Variants in CCDC30 observed in about 807,000 individuals in gnomAD.
CCDC30 encodes the protein coiled-coil domain-containing protein 30.
A neutral mutation model predicts 100.2 loss-of-function variants in CCDC30; 70 were observed. The ratio of observed to expected loss-of-function variants is 0.70; its 90% CI spans 0.58 to 0.85. The LOEUF (loss-of-function observed/expected upper bound fraction) is 0.85. Among genes scored for constraint, CCDC30 ranks in the 40% least tolerant of loss-of-function variants. The pLI, the probability that CCDC30 is intolerant of heterozygous loss-of-function variation, is 0.00. For synonymous variants in CCDC30, 233 were observed against 269.5 expected (o/e 0.86, Z 1.33); for missense variants, 652 against 771.2 (o/e 0.85, Z 1.83).
intron 6 of CCDC30, among the ~76,000 whole-genome samples, chr1:42,542,351 A>G (rs190331533): frequency 2.0e-5 from 3 of 152,018 alleles, no homozygotes; most frequent in Non-Finnish European, 4.4e-5. Context: ...TATAACGTCA[A>G]ATCTAAACTC....
At chr1:42,513,359 A>G (rs1317234393) in intron 6 of CCDC30, among the ~76,000 whole-genome samples, 3 of 152,236 alleles carry the variant, frequency 2.0e-5, no homozygotes, top group Non-Finnish European at 4.4e-5. Flanking sequence ...CTGACCAGGT[A>G]TAATATTTAC....
At chr1:42,565,636 A>G (rs927471217) in intron 6 of CCDC30, among the ~76,000 whole-genome samples, 18 of 152,348 alleles carry the variant, frequency 1.2e-4, no homozygotes, top group African/African-American at 4.3e-4. Context: ...AGGTTCCTCA[A>G]AAAATTAAAA....
chr1:42,516,698 C>T (rs1644560647), intron 6 of CCDC30, among the ~76,000 whole-genome samples: 1 of 152,044 alleles, frequency 6.6e-6, no homozygotes, highest in South Asian at 2.1e-4. Context: ...TAGCATAAGG[C>T]CCTTACCACA....
At chr1:42,579,950 ACC>A (rs1645928036) in intron 8 of CCDC30, among the ~76,000 whole-genome samples, 3 of 151,430 alleles carry the variant, frequency 2.0e-5, no homozygotes, top group African/African-American at 4.9e-5. Context: ...AAAAAAAAAA[ACC>A]TCTCATATAT....
intron 8 of CCDC30, among the ~76,000 whole-genome samples, chr1:42,578,437 A>T (rs2809652): frequency 0.76 from 115,187 of 152,060 alleles, 44,227 homozygotes; most frequent in East Asian, 0.99. Context: ...GGGGAAGTAG[A>T]TACACAAGTC....
intron 5 of CCDC30, 96 bp from the exon 6 acceptor site, chr1:42,498,722 T>C (rs1644264963): frequency 2.0e-6 from 1 of 502,512 alleles, no homozygotes; most frequent in Non-Finnish European, 3.1e-6. Context: ...ACAAGGAGAA[T>C]GTATTTATAT....
chr1:42,630,500 G>A (rs1021954852), intron 11 of CCDC30, among the ~76,000 whole-genome samples: 4 of 150,508 alleles, frequency 2.7e-5, no homozygotes, highest in Non-Finnish European at 4.4e-5. Context: ...ATCCTACCTC[G>A]ACCTCCTGAG....
At chr1:42,608,139 A>G (rs887819145) in intron 10 of CCDC30, among the ~76,000 whole-genome samples, 3 of 151,264 alleles carry the variant, frequency 2.0e-5, no homozygotes, top group Non-Finnish European at 4.4e-5. Context: ...GCTCATTACC[A>G]TGTCTGTAAT....
intron 6 of CCDC30, among the ~76,000 whole-genome samples, chr1:42,538,357 A>G (rs1343495214): frequency 6.6e-6 from 1 of 151,866 alleles, no homozygotes; most frequent in Non-Finnish European, 1.5e-5. Flanking sequence ...GAGAAAGAGA[A>G]AAAAACATCA....
chr1:42,537,100 T>C, intron 6 of CCDC30: 1 of 434,322 alleles, frequency 2.3e-6, no homozygotes, highest in South Asian at 1.7e-5. Flanking sequence ...ATAATAATAA[T>C]GGGGTAGCTC....
intron 7 of CCDC30, among the ~76,000 whole-genome samples, chr1:42,574,286 A>G (rs553179961): frequency 6.6e-6 from 1 of 151,928 alleles, no homozygotes; most frequent in African/African-American, 2.4e-5. Flanking sequence ...CATTTCTTTA[A>G]TAGTTATGAG....
At chr1:42,606,117 A>G (rs1021092379) in intron 10 of CCDC30, among the ~76,000 whole-genome samples, 3 of 152,170 alleles carry the variant, frequency 2.0e-5, no homozygotes, top group African/African-American at 7.2e-5. Context: ...AAACACACAC[A>G]CAAACACTTA....
chr1:42,490,176 C>A, exon 4 of CCDC30: 1 of 1,201,932 alleles, frequency 8.3e-7, no homozygotes, highest in South Asian at 4.2e-5. Flanking sequence ...CTTAAGAAGG[C>A]TCAACTAGAA....
intron 6 of CCDC30, among the ~76,000 whole-genome samples, chr1:42,506,551 T>C (rs1454133341): frequency 6.6e-6 from 1 of 152,186 alleles, no homozygotes; most frequent in Non-Finnish European, 1.5e-5. Context: ...AGAAATCCCA[T>C]ACAATTTTGG....
At chr1:42,539,177 T>G (rs762154655) in intron 6 of CCDC30, 9 of 1,578,020 alleles carry the variant, frequency 5.7e-6, no homozygotes, top group Non-Finnish European at 7.7e-6. Flanking sequence ...AATCAGGAAT[T>G]GCAAAAATCA....
rs1212171093 is a variant in CCDC30 at position 42,635,806 on chromosome 1, T to G, written c.1278-1431T>G. Among the ~76,000 whole-genome samples, 9 of 122,298 alleles carry G rather than the reference T, an allele frequency of 7.4e-5. 1 individual carries two copies. The highest frequency in any genetic ancestry group is 7.3e-4 in the Admixed American group (9 of 12,380). 80.2% of individuals were successfully genotyped at this position (122,298 alleles called of 152,430 possible). A position where few individuals can be genotyped will look rare whatever the true frequency, so the allele number is the denominator to read the frequency against. On this transcript the variant is annotated intron_variant, in intron 11 of 16. Coordinates refer to ENST00000668663, the Ensembl canonical transcript of CCDC30. The stretch of plus-strand genomic sequence containing the variant: ...CTGGGCAACAGAGTGAGACTCCATC[T>G]CAAAAAAAAAAAAAAAATGGCAACT...
intron 6 of CCDC30, among the ~76,000 whole-genome samples, chr1:42,520,765 C>T (rs368549633): frequency 1.2e-4 from 18 of 150,352 alleles, no homozygotes; most frequent in African/African-American, 2.7e-4. Flanking sequence ...CTCAGCCTCC[C>T]GGGTAGCTGG....
rs539000217 is a variant in CCDC30, at chr1:42,622,854, T to C, written c.1277+11764T>C. ...CTAATTTACATTCCCATTAATAGTGTATGAGGGTTCCCTTTTCTCCACATC... is the reference window on the plus strand; with the variant it reads ...CTAATTTACATTCCCATTAATAGTGCATGAGGGTTCCCTTTTCTCCACATC... On this transcript the variant is annotated intron_variant, in intron 11 of 16. Coordinates refer to ENST00000668663, the Ensembl canonical transcript of CCDC30. Among the ~76,000 whole-genome samples the C allele has an allele frequency of 2.1e-3, 324 of 152,280 alleles. 3 individuals carry two copies. The highest frequency in any genetic ancestry group is 0.02 in the Middle Eastern group (6 of 294).
intron 6 of CCDC30, 21 bp from the exon 9 acceptor site, chr1:42,545,389 G>A: frequency 6.5e-7 from 1 of 1,540,442 alleles, no homozygotes; most frequent in Middle Eastern, 2.0e-4. Flanking sequence ...TAGAATATTT[G>A]TCTTTCACTT....
Sources: gnomAD v4.1 joint callset for allele counts (sites outside exome capture counted in the v4.1 genomes callset) on GRCh38, gnomAD v4.1.1 for gene constraint, MANE v1.5 for transcripts, NCBI Gene and HGNC (gene_info 2026-07-23, HGNC 2026-07-21) for gene names.